CENPW: variants seen among roughly 807,000 people sequenced by gnomAD.
The protein encoded by CENPW is centromere protein W.
Under a neutral mutation model 11.1 loss-of-function variants are expected in CENPW, and 3 were observed. The observed-to-expected ratio is 0.27, with a 90% CI of 0.12 to 0.70. CENPW has a LOEUF of 0.70. Among genes scored for constraint, CENPW ranks in the 30% least tolerant of loss-of-function variants. CENPW has a pLI of 0.77. For missense variants in CENPW, 100 were observed against 105.6 expected, an observed-to-expected ratio of 0.95 and a Z score of 0.23; for synonymous variants, 38 against 42.0, an observed-to-expected ratio of 0.91 and a Z score of 0.37.
the CENPW span, among the ~76,000 whole-genome samples, chr6:126,389,650 C>T: frequency 2.4e-5 from 3 of 125,286 alleles, no homozygotes; most frequent in African/African-American, 5.7e-5. Context: ...TTATCTATGA[C>T]CTTTGCTCTG....
At chr6:126,453,250 A>T in the CENPW span, among the ~76,000 whole-genome samples, 1 of 151,106 alleles carries the variant, frequency 6.6e-6, no homozygotes, top group Non-Finnish European at 1.5e-5. Flanking sequence ...TCCCCCAGAC[A>T]CATAGTCATC....
chr6:126,382,174 T>A, the CENPW span, among the ~76,000 whole-genome samples: 2 of 151,606 alleles, frequency 1.3e-5, no homozygotes, highest in African/African-American at 4.9e-5. Context: ...GAGGAGGAGG[T>A]TGCAGTGAGC....
the CENPW span, among the ~76,000 whole-genome samples, chr6:126,455,205 T>C: frequency 6.6e-6 from 1 of 151,364 alleles, no homozygotes; most frequent in Non-Finnish European, 1.5e-5. Flanking sequence ...GACTTCTCCC[T>C]AACTCATTTT....
At chr6:126,397,773 T>C in the CENPW span, among the ~76,000 whole-genome samples, 10 of 152,160 alleles carry the variant, frequency 6.6e-5, no homozygotes, top group East Asian at 1.2e-3. Flanking sequence ...ATCAAACTTA[T>C]CTCATTACTT....
the CENPW span, among the ~76,000 whole-genome samples, chr6:126,479,881 C>CT: frequency 6.6e-6 from 1 of 151,606 alleles, no homozygotes; most frequent in African/African-American, 2.4e-5. Context: ...TGCTTTTACT[C>CT]TTTTTTTTCT....
chr6:126,382,338 A>G, the CENPW span, among the ~76,000 whole-genome samples: 1 of 152,182 alleles, frequency 6.6e-6, no homozygotes, highest in African/African-American at 2.4e-5. Flanking sequence ...GCCCACAAAA[A>G]TGAGAAAGAA....
the CENPW span, among the ~76,000 whole-genome samples, chr6:126,385,674 C>T: frequency 6.6e-6 from 1 of 152,036 alleles, no homozygotes; most frequent in Non-Finnish European, 1.5e-5. Flanking sequence ...CCATGCTGTT[C>T]TGATAGTGAG....
the CENPW span, among the ~76,000 whole-genome samples, chr6:126,416,921 G>C: frequency 1.3e-5 from 2 of 152,186 alleles, no homozygotes; most frequent in African/African-American, 2.4e-5. Context: ...GCACTACCTA[G>C]TGGAACTGTG....
chr6:126,364,468 A>C, the CENPW span, among the ~76,000 whole-genome samples: 1 of 152,150 alleles, frequency 6.6e-6, no homozygotes, highest in Non-Finnish European at 1.5e-5. Flanking sequence ...AATCTGCTTA[A>C]AATTTATGCT....
chr6:126,393,537 C>A, the CENPW span, among the ~76,000 whole-genome samples: 1 of 151,416 alleles, frequency 6.6e-6, no homozygotes, highest in Admixed American at 6.6e-5. Context: ...CCTTCATTGA[C>A]TGACTCGTTT....
the CENPW span, among the ~76,000 whole-genome samples, chr6:126,431,733 G>A: frequency 6.6e-6 from 1 of 152,142 alleles, no homozygotes; most frequent in South Asian, 2.1e-4. Context: ...TCATGCCGCA[G>A]CAACCTGGAG....
chr6:126,402,677 A>C, the CENPW span, among the ~76,000 whole-genome samples: 1 of 152,040 alleles, frequency 6.6e-6, no homozygotes, highest in African/African-American at 2.4e-5. Context: ...ATAATGTAGG[A>C]TATATCAACA....
At chr6:126,365,007 A>G in the CENPW span, among the ~76,000 whole-genome samples, 1 of 152,250 alleles carries the variant, frequency 6.6e-6, no homozygotes, top group African/African-American at 2.4e-5. Flanking sequence ...AACATGCTCA[A>G]AATTGCACAT....
chr6:126,415,937 G>T, the CENPW span, among the ~76,000 whole-genome samples: 1 of 152,180 alleles, frequency 6.6e-6, no homozygotes, highest in Non-Finnish European at 1.5e-5. Context: ...TTGCTGAAAA[G>T]ATACCTGAAA....
At chr6:126,419,040 C>T in the CENPW span, among the ~76,000 whole-genome samples, 1 of 151,886 alleles carries the variant, frequency 6.6e-6, no homozygotes, top group East Asian at 1.9e-4. Flanking sequence ...TGTAGCAAAC[C>T]TGCACGTTGT....
chr6:126,376,846 C>G, the CENPW span, among the ~76,000 whole-genome samples: 72 of 152,268 alleles, frequency 4.7e-4, no homozygotes, highest in African/African-American at 1.7e-3. Flanking sequence ...ACAGAGGTGT[C>G]TTGTGCTGAT....
chr6:126,379,390 A>G, the CENPW span, among the ~76,000 whole-genome samples: 1 of 152,296 alleles, frequency 6.6e-6, no homozygotes, highest in Admixed American at 6.5e-5. Context: ...AATTTATTGG[A>G]AGAACACTAG....
the CENPW span, among the ~76,000 whole-genome samples, chr6:126,388,850 T>G: frequency 1.4e-4 from 22 of 152,072 alleles, no homozygotes; most frequent in East Asian, 2.7e-3. Context: ...TTCTTGAGGG[T>G]AGAACACTTC....
chr6:126,465,512 G>C, the CENPW span, among the ~76,000 whole-genome samples: 1 of 151,936 alleles, frequency 6.6e-6, no homozygotes, highest in Non-Finnish European at 1.5e-5. Context: ...TTCGTGTTTA[G>C]AAGTTGACAA....
Sources: allele counts gnomAD v4.1 joint callset (sites outside exome capture counted in the v4.1 genomes callset), GRCh38; gene constraint gnomAD v4.1.1; transcripts MANE v1.5; gene names NCBI Gene and HGNC (gene_info 2026-07-23, HGNC 2026-07-21).